Variants in EYS observed in about 807,000 individuals in gnomAD.
The protein encoded by EYS is protein eyes shut homolog.
A neutral mutation model predicts 282.1 loss-of-function variants in EYS; 250 were observed. The observed-to-expected ratio is 0.89, with a 90% confidence interval of 0.80 to 0.98. The LOEUF (loss-of-function observed/expected upper bound fraction) is 0.98, where lower values mean the gene tolerates loss of function less well. EYS is among the 50% of genes least tolerant of loss of function. EYS has a pLI of 0.00. For synonymous variants in EYS, 1,355 were observed against 1,282.9 expected (o/e 1.06, Z -1.20); for missense variants, 4,016 against 3,709.0 (o/e 1.08, Z -2.15).
At chr6:63,754,336 T>A (rs1284549771) in intron 41 of EYS, among the ~76,000 whole-genome samples, 1 of 151,922 alleles carries the variant, frequency 6.6e-6, no homozygotes, top group Admixed American at 6.6e-5. Context: ...ACACTATCCC[T>A]CCCCCAGCCC....
intron 26 of EYS, among the ~76,000 whole-genome samples, chr6:64,556,276 C>G (rs548399381): frequency 1.3e-5 from 2 of 151,924 alleles, no homozygotes; most frequent in African/African-American, 4.8e-5. Flanking sequence ...TATATTCAGA[C>G]AATAGAATAT....
At chr6:64,681,978 G>A (rs888416516) in intron 22 of EYS, among the ~76,000 whole-genome samples, 11 of 152,128 alleles carry the variant, frequency 7.2e-5, no homozygotes, top group Non-Finnish European at 1.6e-4. Flanking sequence ...AGAACACGCC[G>A]TGCCTCAAGG....
At chr6:63,958,382 A>G (rs1765911043) in intron 35 of EYS, among the ~76,000 whole-genome samples, 1 of 97,682 alleles carries the variant, frequency 1.0e-5, no homozygotes, top group African/African-American at 2.7e-5. Context: ...GTCATAGTGG[A>G]GGAGGAAGGA....
At chr6:65,235,931 T>C (rs1160557519) in intron 12 of EYS, among the ~76,000 whole-genome samples, 6 of 152,100 alleles carry the variant, frequency 3.9e-5, no homozygotes, top group African/African-American at 9.7e-5. Context: ...TTACTTAAAA[T>C]GTACAAAAAT....
chr6:63,749,631 C>T (rs956367685), intron 41 of EYS, among the ~76,000 whole-genome samples: 1 of 152,148 alleles, frequency 6.6e-6, no homozygotes, highest in Non-Finnish European at 1.5e-5. Flanking sequence ...CATCACTTCT[C>T]CAAGCAGGTT....
At position 64,175,955 on chromosome 6, in the gene EYS, G is replaced by A. The variant is rs1764620901; in HGVS notation, c.6424+54637C>T. Among the ~76,000 whole-genome samples, 3 of 152,164 alleles carry A rather than the reference G, an allele frequency of 2.0e-5. No homozygotes were observed. The South Asian group carries it at 6.2e-4, about 32-fold the overall frequency. On this transcript the variant is annotated intron_variant, in intron 31 of 42. Transcript: ENST00000503581. Reference sequence around the variant, plus strand: ...CATAATGAATAACTTATATCCCATAGTAGAAGATAAGTGCTATGGGAACAA... The same window carrying A: ...CATAATGAATAACTTATATCCCATAATAGAAGATAAGTGCTATGGGAACAA...
chr6:64,487,342 GAGAA>G (rs1271176493), intron 26 of EYS, among the ~76,000 whole-genome samples: 1 of 151,072 alleles, frequency 6.6e-6, no homozygotes, highest in Non-Finnish European at 1.5e-5. Context: ...AGAGCAAAAA[GAGAA>G]AGAAACAAAA....
intron 33 of EYS, among the ~76,000 whole-genome samples, chr6:64,052,542 G>GA (rs1024624746): frequency 2.6e-5 from 4 of 151,914 alleles, no homozygotes; most frequent in Admixed American, 1.3e-4. Flanking sequence ...TTTCTAAGAT[G>GA]AAAAAAATAT....
chr6:64,728,588 A>G (rs1603246), intron 22 of EYS, among the ~76,000 whole-genome samples: 147,877 of 152,254 alleles, frequency 0.97, 71,972 homozygotes, highest in East Asian at 1. Context: ...GCCCACCTTG[A>G]CCTCCCAGAG....
chr6:63,846,786 A>G (rs1039164629), intron 36 of EYS, among the ~76,000 whole-genome samples: 2 of 152,216 alleles, frequency 1.3e-5, no homozygotes, highest in African/African-American at 4.8e-5. Flanking sequence ...CCCACACACT[A>G]TCTTATTAGA....
intron 32 of EYS, among the ~76,000 whole-genome samples, chr6:64,079,814 C>G (rs376705720): frequency 6.6e-6 from 1 of 152,074 alleles, no homozygotes; most frequent in Admixed American, 6.6e-5. Context: ...TCAGAATATG[C>G]GATGTTTGGT....
chr6:63,765,384 G>GGCTAAGGGAAA (rs2149657818), intron 40 of EYS, among the ~76,000 whole-genome samples: 1 of 151,826 alleles, frequency 6.6e-6, no homozygotes, highest in African/African-American at 2.4e-5. Context: ...ACTTAGGGAA[G>GGCTAAGGGAAA]GCTTAGGAAA....
intron 12 of EYS, among the ~76,000 whole-genome samples, chr6:65,125,579 G>T (rs1775695400): frequency 6.6e-6 from 1 of 152,114 alleles, no homozygotes; most frequent in East Asian, 1.9e-4. Flanking sequence ...ATTTATTATA[G>T]ACTAAAGCTG....
At chr6:64,493,588 A>C (rs1005023702) in intron 26 of EYS, among the ~76,000 whole-genome samples, 6 of 151,540 alleles carry the variant, frequency 4.0e-5, no homozygotes, top group African/African-American at 1.5e-4. Flanking sequence ...TTCAGTTTCT[A>C]AGAATGTTCT....
At chr6:63,930,218 A>T (rs1244931124) in intron 35 of EYS, among the ~76,000 whole-genome samples, 2 of 152,158 alleles carry the variant, frequency 1.3e-5, no homozygotes, top group African/African-American at 4.8e-5. Flanking sequence ...GTATTAAAAC[A>T]TTACGTTGTA....
chr6:64,072,335 C>T (rs1436951024), intron 32 of EYS, among the ~76,000 whole-genome samples: 1 of 151,680 alleles, frequency 6.6e-6, no homozygotes, highest in Non-Finnish European at 1.5e-5. Context: ...TAGGGCAATA[C>T]AACTTTATCT....
At chr6:64,283,244 A>G (rs1345387094) in intron 30 of EYS, among the ~76,000 whole-genome samples, 1 of 152,134 alleles carries the variant, frequency 6.6e-6, no homozygotes, top group Non-Finnish European at 1.5e-5. Flanking sequence ...TTCTTCAGAG[A>G]TGCCTTTCTT....
chr6:64,863,171 G>T (rs552463230), intron 19 of EYS, among the ~76,000 whole-genome samples: 1 of 152,074 alleles, frequency 6.6e-6, no homozygotes, highest in South Asian at 2.1e-4. Flanking sequence ...TTTGAAATTT[G>T]ACTATTCAAA....
At chr6:63,733,749 G>T (rs1337002802) in intron 41 of EYS, among the ~76,000 whole-genome samples, 2 of 152,136 alleles carry the variant, frequency 1.3e-5, no homozygotes, top group African/African-American at 4.8e-5. Flanking sequence ...TTATAAACAT[G>T]CATTGGGTTG....
Sources: allele counts gnomAD v4.1 joint callset (sites outside exome capture counted in the v4.1 genomes callset), GRCh38; gene constraint gnomAD v4.1.1; transcripts MANE v1.5; gene names NCBI Gene and HGNC (gene_info 2026-07-23, HGNC 2026-07-21).